The following ENPP6 variants were observed in gnomAD, a reference collection of about 807,000 sequenced individuals.
The protein encoded by ENPP6 is glycerophosphocholine cholinephosphodiesterase ENPP6.
A neutral mutation model predicts 42.0 loss-of-function variants in ENPP6; 32 were observed. The ratio of observed to expected loss-of-function variants is 0.76; its 90% CI spans 0.58 to 1.02. The LOEUF is 1.02. Ranked by LOEUF, ENPP6 falls within the 50% of genes least tolerant of loss-of-function variation. The probability of loss-of-function intolerance (pLI) is 0.00; values close to 1 mark genes in which losing one functional copy is unlikely to be tolerated. For missense variants in ENPP6, 552 were observed against 566.8 expected, an observed-to-expected ratio of 0.97 and a Z score of 0.27; for synonymous variants, 213 against 216.0, an observed-to-expected ratio of 0.99 and a Z score of 0.12.
chr4:184,118,341 T>C (rs1736361023), intron 3 of ENPP6, among the ~76,000 whole-genome samples: 1 of 152,176 alleles, frequency 6.6e-6, no homozygotes, highest in Non-Finnish European at 1.5e-5. Flanking sequence ...AGTGAGGAGT[T>C]TTCATGAATA....
At position 184,137,346 on chromosome 4, in the gene ENPP6, C is replaced by G. The variant is rs113166094; in HGVS notation, c.422-13074G>C. On this transcript the variant is annotated intron_variant, in intron 2 of 7. Transcript: ENST00000296741. The stretch of plus-strand genomic sequence containing the variant: ...ACCTTACCTCAAGCAATCCACCTGC[C>G]TCAGCCTCCCAGAGTGCTGGGATTA... 8.9e-3 allele frequency among the ~76,000 whole-genome samples: 1,353 copies of G among 152,362 alleles called. 21 individuals carry two copies. Among genetic ancestry groups the G allele is most frequent in the African/African-American group, 0.027 (1,105 of 41,592 alleles).
intron 6 of ENPP6, among the ~76,000 whole-genome samples, chr4:184,111,219 G>A (rs937877958): frequency 1.3e-5 from 2 of 152,212 alleles, no homozygotes; most frequent in African/African-American, 4.8e-5. Flanking sequence ...ACAGAGTAAT[G>A]ACGGATGCAA....
intron 2 of ENPP6, among the ~76,000 whole-genome samples, chr4:184,151,640 C>A (rs1356406329): frequency 6.6e-6 from 1 of 152,210 alleles, no homozygotes; most frequent in Non-Finnish European, 1.5e-5. Flanking sequence ...CCACATTCAT[C>A]TTGATGCTCC....
intron 1 of ENPP6, among the ~76,000 whole-genome samples, chr4:184,172,293 G>A (rs1009768976): frequency 1.3e-5 from 2 of 152,138 alleles, no homozygotes; most frequent in African/African-American, 2.4e-5. Context: ...CAGGATGGGA[G>A]GTGTTTGAAG....
chr4:184,097,901 G>A lies in ENPP6; in HGVS notation c.994-533C>T, dbSNP rs542660718. Among the ~76,000 whole-genome samples, 177 of 149,090 alleles carry A rather than the reference G, an allele frequency of 1.2e-3. 1 individual carries two copies. The highest frequency in any genetic ancestry group is 3.9e-3 in the African/African-American group (153 of 39,594). ...CCACCAGAGGAACCAGACCGGGGGA[G>A]GGAAGAGGAGCTGGAGACTTGAGTC... On this transcript the variant is annotated intron_variant, in intron 6 of 7. Transcript: ENST00000296741.
intron 2 of ENPP6, among the ~76,000 whole-genome samples, chr4:184,142,037 C>T (rs968337494): frequency 1.3e-5 from 2 of 152,172 alleles, no homozygotes; most frequent in Non-Finnish European, 2.9e-5. Context: ...ACAGAGGCCT[C>T]CTATGGGAGA....
intron 1 of ENPP6, among the ~76,000 whole-genome samples, chr4:184,189,271 T>C (rs976583589): frequency 2.0e-5 from 3 of 152,236 alleles, no homozygotes; most frequent in South Asian, 2.1e-4. Flanking sequence ...TGGTGTCCAT[T>C]AGATAGTTCC....
At chr4:184,164,202 G>C (rs1737312252) in intron 1 of ENPP6, among the ~76,000 whole-genome samples, 1 of 152,194 alleles carries the variant, frequency 6.6e-6, no homozygotes, top group Non-Finnish European at 1.5e-5. Flanking sequence ...TCTAAAATGG[G>C]ATTCATGATA....
intron 2 of ENPP6, among the ~76,000 whole-genome samples, chr4:184,133,161 TCACACACACA>T (rs66979248): frequency 5.0e-5 from 7 of 139,850 alleles, no homozygotes; most frequent in African/African-American, 1.7e-4. Flanking sequence ...ACCTGTCAAT[TCACACACACA>T]CACACACACA....
At chr4:184,206,439 G>C (rs1439609707) in intron 1 of ENPP6, among the ~76,000 whole-genome samples, 8 of 131,762 alleles carry the variant, frequency 6.1e-5, no homozygotes, top group African/African-American at 2.1e-4. Flanking sequence ...TGTATTTTTA[G>C]TAGAGACGGG....
intron 1 of ENPP6, among the ~76,000 whole-genome samples, chr4:184,214,265 TC>T (rs1481454493): frequency 6.6e-6 from 1 of 151,582 alleles, no homozygotes; most frequent in Non-Finnish European, 1.5e-5. Context: ...GAAAAAAGAT[TC>T]AATGTTCCTG....
Position 184,146,558 on chromosome 4 carries a change from C to T in ENPP6, c.421+6996G>A, listed in dbSNP as rs537059774. ...TATAATGTTAAAGAAATGAAATAGC[C>T]GCAAAGTCCAGAGCTGGCCGGGGTG... is the stretch of plus-strand genomic sequence containing the variant. On this transcript the variant is annotated intron_variant, in intron 2 of 7. Transcript: ENST00000296741. 3.9e-5 allele frequency among the ~76,000 whole-genome samples: 6 copies of T among 152,282 alleles called. No homozygotes were observed. In the East Asian group the frequency reaches 9.6e-4, roughly 24 times the overall value.
chr4:184,105,521 T>A (rs1736072624), intron 6 of ENPP6, among the ~76,000 whole-genome samples: 1 of 152,178 alleles, frequency 6.6e-6, no homozygotes, highest in Non-Finnish European at 1.5e-5. Context: ...CCTGGGTTAG[T>A]TGCTCAGAGA....
At chr4:184,116,611 T>C (rs957584059) in intron 5 of ENPP6, among the ~76,000 whole-genome samples, 4 of 152,040 alleles carry the variant, frequency 2.6e-5, no homozygotes, top group Admixed American at 2.0e-4. Flanking sequence ...CGCATGCCTA[T>C]AGACCCAGCT....
chr4:184,116,839 C>A lies in ENPP6; in HGVS notation c.855+17G>T. On this transcript the variant is annotated intron_variant, in intron 5 of 7. Transcript: ENST00000296741. ...GGCCCACATGGCCCTCCTCCGCCCC[C>A]CACGGGTCTGTCTTGCCTCAGAGTG... is the stretch of plus-strand genomic sequence containing the variant. The A allele has an allele frequency of 1.2e-6, 2 of 1,612,504 alleles. No individual in the cohort carries two copies. Among genetic ancestry groups the A allele is most frequent in the African/African-American group, 2.7e-5 (2 of 75,016 alleles).
intron 2 of ENPP6, among the ~76,000 whole-genome samples, chr4:184,134,448 CT>C (rs1285250692): frequency 6.6e-6 from 1 of 152,014 alleles, no homozygotes; most frequent in African/African-American, 2.4e-5. Flanking sequence ...TTTTCTATTT[CT>C]TTTTTTCTGT....
intron 7 of ENPP6, among the ~76,000 whole-genome samples, chr4:184,091,821 A>G (rs771445782): frequency 6.6e-6 from 1 of 152,188 alleles, no homozygotes; most frequent in Admixed American, 6.5e-5. Context: ...ACTTAAGCCC[A>G]GGAGTTCAAG....
intron 1 of ENPP6, among the ~76,000 whole-genome samples, chr4:184,179,757 G>C (rs1485738385): frequency 6.6e-6 from 1 of 152,190 alleles, no homozygotes; most frequent in Non-Finnish European, 1.5e-5. Context: ...TGAGCAACCT[G>C]CTCCTGAATG....
rs575641631 is a variant in ENPP6, at chr4:184,141,643, G to A, written c.421+11911C>T. Reference sequence around the variant, plus strand: ...CTCCTCTTATCTCTGTCTAGAGTCTGCCTTCTTGCTGGGTATTCCCATCTC... The same window carrying A: ...CTCCTCTTATCTCTGTCTAGAGTCTACCTTCTTGCTGGGTATTCCCATCTC... On this transcript the variant is annotated intron_variant, in intron 2 of 7. Coordinates refer to ENST00000296741, the MANE Select transcript of ENPP6 (RefSeq NM_153343.4). Among the ~76,000 whole-genome samples the A allele has an allele frequency of 3.9e-5, 6 of 152,216 alleles. No individual in the cohort carries two copies. The East Asian group carries it at 1.2e-3, about 29-fold the overall frequency.
Sources: gnomAD v4.1 joint callset for allele counts (sites outside exome capture counted in the v4.1 genomes callset) on GRCh38, gnomAD v4.1.1 for gene constraint, MANE v1.5 for transcripts, NCBI Gene and HGNC (gene_info 2026-07-23, HGNC 2026-07-21) for gene names.